Variants in EFCAB11 observed in about 807,000 individuals in gnomAD.
EFCAB11 encodes the protein EF-hand calcium-binding domain-containing protein 11.
Under a neutral mutation model 23.0 loss-of-function variants are expected in EFCAB11, and 14 were observed. That is an observed-to-expected ratio of 0.61 (90% confidence interval 0.40 to 0.95). The LOEUF is 0.95. Among genes scored for constraint, EFCAB11 ranks in the 40% least tolerant of loss-of-function variants. The pLI, the probability that EFCAB11 is intolerant of heterozygous loss-of-function variation, is 0.00. For synonymous variants in EFCAB11, 65 were observed against 66.6 expected (o/e 0.98, Z 0.11); for missense variants, 198 against 195.8 (o/e 1.01, Z -0.07).
At chr14:89,892,191 G>A in intron 5 of EFCAB11, 2 of 1,584,410 alleles carry the variant, frequency 1.3e-6, no homozygotes, top group South Asian at 2.3e-5. Context: ...GACCTGCAGA[G>A]CACCCGCTGT....
At chr14:89,950,213 C>A in intron 2 of EFCAB11, 71 bp from the exon 3 acceptor site, 1 of 1,447,086 alleles carries the variant, frequency 6.9e-7, no homozygotes, top group South Asian at 1.3e-5. Flanking sequence ...CTTAATTCTT[C>A]AGGTGGGAAT....
intron 5 of EFCAB11, among the ~76,000 whole-genome samples, chr14:89,925,288 G>A (rs1412665564): frequency 6.6e-6 from 1 of 152,202 alleles, no homozygotes; most frequent in Non-Finnish European, 1.5e-5. Flanking sequence ...TGTTGGAAAA[G>A]AGACCAGATG....
intron 5 of EFCAB11, among the ~76,000 whole-genome samples, chr14:89,875,727 T>C (rs1486802893): frequency 6.6e-6 from 1 of 151,904 alleles, no homozygotes; most frequent in Non-Finnish European, 1.5e-5. Flanking sequence ...AGACGTTCAG[T>C]AGGAGTTGAA....
At chr14:89,803,670 G>A (rs1427774603) in intron 5 of EFCAB11, among the ~76,000 whole-genome samples, 1 of 152,178 alleles carries the variant, frequency 6.6e-6, no homozygotes, top group East Asian at 1.9e-4. Flanking sequence ...TAGGGACAAA[G>A]CTGTCATACT....
chr14:89,853,031 C>G (rs1168204132), intron 5 of EFCAB11, among the ~76,000 whole-genome samples: 1 of 152,154 alleles, frequency 6.6e-6, no homozygotes, highest in East Asian at 1.9e-4. Context: ...CTTTCCATAG[C>G]CTTCAAAGTT....
At chr14:89,805,900 T>C (rs1245883826) in intron 5 of EFCAB11, among the ~76,000 whole-genome samples, 1 of 152,214 alleles carries the variant, frequency 6.6e-6, no homozygotes, top group Non-Finnish European at 1.5e-5. Context: ...TTTGAAATGA[T>C]TATTCCATTT....
At chr14:89,836,441 C>T (rs1887081456) in intron 5 of EFCAB11, 2 of 395,130 alleles carry the variant, frequency 5.1e-6, no homozygotes, top group African/African-American at 4.2e-5. Flanking sequence ...AGGCCTCTTC[C>T]TGAGGGTCTG....
intron 5 of EFCAB11, among the ~76,000 whole-genome samples, chr14:89,832,183 G>A (rs1326774267): frequency 6.6e-6 from 1 of 151,992 alleles, no homozygotes; most frequent in South Asian, 2.1e-4. Flanking sequence ...CGTGGTGGCC[G>A]GCACCTGTAA....
chr14:89,808,620 T>C (rs1057209640), intron 5 of EFCAB11, among the ~76,000 whole-genome samples: 2 of 152,214 alleles, frequency 1.3e-5, no homozygotes, highest in African/African-American at 4.8e-5. Context: ...ATTTATGTTT[T>C]CATTTACAAC....
intron 3 of EFCAB11, among the ~76,000 whole-genome samples, chr14:89,944,977 T>A (rs1890923100): frequency 1.0e-5 from 1 of 95,546 alleles, no homozygotes; most frequent in South Asian, 4.2e-4. Context: ...GATCTAATAA[T>A]AAATCTAATA....
At chr14:89,951,397 G>A (rs1257225407) in intron 2 of EFCAB11, among the ~76,000 whole-genome samples, 1 of 151,926 alleles carries the variant, frequency 6.6e-6, no homozygotes, top group Non-Finnish European at 1.5e-5. Flanking sequence ...TAGTCTAAAT[G>A]ACCACCCAGA....
At chr14:89,833,422 C>T (rs1463875161) in intron 5 of EFCAB11, among the ~76,000 whole-genome samples, 4 of 152,150 alleles carry the variant, frequency 2.6e-5, no homozygotes, top group Non-Finnish European at 5.9e-5. Flanking sequence ...ACATAATATC[C>T]ACTCTAAGAT....
chr14:89,883,689 G>A (rs1318378285), intron 5 of EFCAB11, among the ~76,000 whole-genome samples: 1 of 152,058 alleles, frequency 6.6e-6, no homozygotes, highest in Non-Finnish European at 1.5e-5. Context: ...TGATATAGAG[G>A]GCCAAATGTA....
intron 5 of EFCAB11, among the ~76,000 whole-genome samples, chr14:89,886,570 T>G (rs1293577169): frequency 6.9e-6 from 1 of 144,884 alleles, no homozygotes; most frequent in Non-Finnish European, 1.5e-5. Context: ...TTACTCAAGA[T>G]CTACTGATTT....
At chr14:89,889,407 A>T (rs1888893024) in intron 5 of EFCAB11, among the ~76,000 whole-genome samples, 1 of 152,360 alleles carries the variant, frequency 6.6e-6, no homozygotes, top group South Asian at 2.1e-4. Flanking sequence ...CCCATCTATG[A>T]AATGGTGATT....
intron 5 of EFCAB11, among the ~76,000 whole-genome samples, chr14:89,847,569 A>G (rs371741863): frequency 6.6e-6 from 1 of 152,032 alleles, no homozygotes; most frequent in African/African-American, 2.4e-5. Context: ...GGGAAACCCC[A>G]TCTCTACTAA....
intron 5 of EFCAB11, among the ~76,000 whole-genome samples, chr14:89,903,560 T>C (rs368871776): frequency 1.4e-5 from 2 of 143,432 alleles, no homozygotes; most frequent in East Asian, 4.0e-4. Context: ...TTCCTTATAA[T>C]GGGTAAAAGA....
At chr14:89,899,693 A>C (rs768199173) in intron 5 of EFCAB11, among the ~76,000 whole-genome samples, 18 of 152,352 alleles carry the variant, frequency 1.2e-4, no homozygotes, top group Non-Finnish European at 2.4e-4. Context: ...TAGGAAATTG[A>C]CATTGAACAG....
At chr14:89,817,956 C>T (rs1466717026) in intron 5 of EFCAB11, among the ~76,000 whole-genome samples, 2 of 151,470 alleles carry the variant, frequency 1.3e-5, no homozygotes, top group Non-Finnish European at 2.9e-5. Flanking sequence ...ATCACGCCAC[C>T]GTACTCCAGC....
Sources: allele counts gnomAD v4.1 joint callset (sites outside exome capture counted in the v4.1 genomes callset), GRCh38; gene constraint gnomAD v4.1.1; transcripts MANE v1.5; gene names NCBI Gene and HGNC (gene_info 2026-07-23, HGNC 2026-07-21).